RPGRIP1L: variants seen among roughly 807,000 people sequenced by gnomAD.
RPGRIP1L encodes protein fantom.
RPGRIP1L carries 131 observed loss-of-function variants against 160.4 expected under a neutral mutation model. The ratio of observed to expected loss-of-function variants is 0.82; its 90% CI spans 0.71 to 0.94. The LOEUF (loss-of-function observed/expected upper bound fraction) is 0.94. Ranked by LOEUF, RPGRIP1L falls within the 40% of genes least tolerant of loss-of-function variation. The pLI is 0.00. For missense variants in RPGRIP1L, 1,522 were observed against 1,535.8 expected, an observed-to-expected ratio of 0.99 and a Z score of 0.15; for synonymous variants, 510 against 515.8, an observed-to-expected ratio of 0.99 and a Z score of 0.15.
intron 10 of RPGRIP1L, among the ~76,000 whole-genome samples, chr16:53,664,178 AAC>A (rs1418215268): frequency 6.6e-6 from 1 of 152,234 alleles, no homozygotes; most frequent in Non-Finnish European, 1.5e-5. Context: ...ATGTGTGTGT[AAC>A]ACAGTAAAAT....
chr16:53,641,609 CT>C, intron 17 of RPGRIP1L, 134 bp from the exon 18 acceptor site: 1 of 776,872 alleles, frequency 1.3e-6, no homozygotes, highest in East Asian at 2.7e-5. Flanking sequence ...GTTGTACCCC[CT>C]ACTTTAAAAA....
In RPGRIP1L at chr16:53,672,851, A is replaced by C; in HGVS notation, c.1029+19T>G. ...AGAAGTTGTAATGCAACAGATGGCT[A>C]AACTCTTTGGGAGCTTACCTCTTCT... On this transcript the variant is annotated intron_variant, in intron 8 of 26. Coordinates refer to ENST00000647211, the MANE Select transcript of RPGRIP1L (RefSeq NM_015272.5). 6.2e-7 allele frequency: 1 copy of C among 1,608,656 alleles called. No individual in the cohort carries two copies. Among genetic ancestry groups the C allele is most frequent in the Non-Finnish European group, 8.5e-7 (1 of 1,176,284 alleles).
Position 53,636,490 on chromosome 16 carries a change from A to G in RPGRIP1L, c.3243T>C (p.Ser1081=). ...EPEVEEDMSA[S]DSDDCIIPGP... ...CTGGAATAATACAGTCATCACTGTC[A>G]GAAGCTGACATGTCCTCTTCAACTG... is the stretch of plus-strand genomic sequence containing the variant. Residue 1081 remains serine (S), a synonymous_variant, in exon 22 of 27, where the codon TCT becomes TCC. Coordinates refer to ENST00000647211, the MANE Select transcript of RPGRIP1L (RefSeq NM_015272.5). The G allele has an allele frequency of 6.2e-7, 1 of 1,612,366 alleles. No homozygotes were observed. Among genetic ancestry groups the G allele is most frequent in the South Asian group, 1.1e-5 (1 of 91,054 alleles).
intron 1 of RPGRIP1L, chr16:53,701,551 T>G (rs1309385538): frequency 2.0e-5 from 3 of 150,834 alleles, no homozygotes; most frequent in African/African-American, 7.3e-5. Context: ...GATTTTATAT[T>G]TTCATTTCAA....
intron 6 of RPGRIP1L, among the ~76,000 whole-genome samples, chr16:53,683,942 T>C (rs1024059284): frequency 2.6e-5 from 4 of 152,044 alleles, no homozygotes; most frequent in Admixed American, 6.6e-5. Context: ...ATGCAGAAAA[T>C]TGAAAACGGG....
chr16:53,695,098 C>T (rs1290570334), intron 3 of RPGRIP1L: 1 of 466,956 alleles, frequency 2.1e-6, no homozygotes, highest in Non-Finnish European at 3.8e-6. Context: ...TTTTTATTTT[C>T]TGGCTATGAC....
At chr16:53,622,103 G>A in intron 23 of RPGRIP1L, 116 bp downstream of exon 23, 1 of 365,378 alleles carries the variant, frequency 2.7e-6, no homozygotes, top group Non-Finnish European at 4.9e-6. Flanking sequence ...AGTGGCTCAT[G>A]CCTGTAATCC....
intron 15 of RPGRIP1L, 114 bp downstream of exon 15, chr16:53,652,421 C>T: frequency 2.4e-6 from 2 of 822,506 alleles, no homozygotes; most frequent in South Asian, 3.0e-5. Flanking sequence ...AGAATGTTGT[C>T]CTTGCTCTAA....
chr16:53,632,672 T>C (rs967277486), intron 22 of RPGRIP1L, among the ~76,000 whole-genome samples: 2 of 152,186 alleles, frequency 1.3e-5, no homozygotes, highest in Non-Finnish European at 2.9e-5. Context: ...TCCCTAAGCA[T>C]ACCATAATAG....
At chr16:53,646,979 T>C (rs913992283) in intron 16 of RPGRIP1L, among the ~76,000 whole-genome samples, 1 of 152,106 alleles carries the variant, frequency 6.6e-6, no homozygotes, top group Non-Finnish European at 1.5e-5. Context: ...GAGGAATGAC[T>C]GAAAAAGTAC....
Position 53,658,849 on chromosome 16 carries a change from T to C in RPGRIP1L, c.1273A>G (p.Arg425Gly), listed in dbSNP as rs1467430359. 2.5e-6 allele frequency: 4 copies of C among 1,606,094 alleles called. No individual in the cohort carries two copies. The highest frequency in any genetic ancestry group is 2.2e-5 in the East Asian group (1 of 44,728). The change falls in exon 11 of 27, where the codon AGA becomes GGA. Residue 425 changes from arginine to glycine, a missense_variant. Physicochemically the swap from Arg to Gly is moderately radical, Grantham distance 125. Coordinates refer to ENST00000647211, the MANE Select transcript of RPGRIP1L (RefSeq NM_015272.5). ...DQNEKLVQEN[R>G]ELQLQYLEQK... ...TCCAGATACTGTAACTGTAGTTCTCTATTCTCTTGAACGAGTTTTTCATTT... is the reference window on the plus strand; with the variant it reads ...TCCAGATACTGTAACTGTAGTTCTCCATTCTCTTGAACGAGTTTTTCATTT...
chr16:53,671,233 G>A (rs112309585), intron 9 of RPGRIP1L, among the ~76,000 whole-genome samples: 3 of 152,102 alleles, frequency 2.0e-5, no homozygotes, highest in Non-Finnish European at 4.4e-5. Flanking sequence ...ATCTAGCATG[G>A]TGTCTGTTAG....
chr16:53,688,050 A>C, intron 4 of RPGRIP1L, 85 bp from the exon 5 acceptor site: 1 of 849,096 alleles, frequency 1.2e-6, no homozygotes, highest in South Asian at 1.4e-5. Context: ...GATATTTATA[A>C]TAAAATCTCT....
Position 53,605,503 on chromosome 16 carries a change from G to T in RPGRIP1L, c.3813C>A (p.Asp1271Glu). ...DLADMFQEGR[D>E]LIEQNIDVFD... ...TACCATCGATATTTTGCTCAATGAG[G>T]TCCCTCCCTTCCTGAAACATGTCGG... The change falls in exon 26 of 27, where the codon GAC becomes GAA. Residue 1271 changes from aspartate (D) to glutamate (E), a missense_variant. By Grantham distance (45) the Asp-to-Glu change is conservative. Coordinates refer to ENST00000647211, the MANE Select transcript of RPGRIP1L (RefSeq NM_015272.5). 6.2e-7 allele frequency: 1 copy of T among 1,614,032 alleles called. No individual in the cohort carries two copies. The highest frequency in any genetic ancestry group is 8.5e-7 in the Non-Finnish European group (1 of 1,179,994).
chr16:53,700,460 A>G (rs1971303916), intron 2 of RPGRIP1L, among the ~76,000 whole-genome samples, 179 bp downstream of exon 2: 1 of 152,236 alleles, frequency 6.6e-6, no homozygotes, highest in Non-Finnish European at 1.5e-5. Flanking sequence ...AGCTGTTGAT[A>G]ACTGATGCAT....
chr16:53,629,869 A>T (rs1347306683), intron 22 of RPGRIP1L, among the ~76,000 whole-genome samples: 1 of 152,198 alleles, frequency 6.6e-6, no homozygotes, highest in Non-Finnish European at 1.5e-5. Flanking sequence ...TTCCAATAAC[A>T]GTAGAGGGCT....
chr16:53,649,038 G>A lies in RPGRIP1L; in HGVS notation c.2230C>T (p.Arg744Ter), dbSNP rs267604575. 16 of 1,613,586 alleles carry A rather than the reference G, an allele frequency of 9.9e-6. No individual in the cohort carries two copies. In the East Asian group the frequency reaches 1.6e-4, roughly 16 times the overall value. Residue 744 changes from arginine to a stop codon, truncating the protein, a stop_gained, in exon 16 of 27, where the codon CGA becomes TGA. Coordinates refer to ENST00000647211, the MANE Select transcript of RPGRIP1L (RefSeq NM_015272.5). LOFTEE classifies it high-confidence loss of function. Reference protein sequence around the residue: ...RLRVPMDQAIRLYRERAKALG... With the variant: ...RLRVPMDQAI The stretch of plus-strand genomic sequence containing the variant: ...GCCTTTGCCCTTTCTCGATAAAGTC[G>A]AATTGCTTGATCCATGGGAACTCTT...
chr16:53,674,551 C>T (rs1022177387), intron 7 of RPGRIP1L, among the ~76,000 whole-genome samples: 2 of 151,070 alleles, frequency 1.3e-5, no homozygotes, highest in Non-Finnish European at 3.0e-5. Context: ...ATGGTAGTGA[C>T]CAAAAAAGAA....
chr16:53,688,968 C>T (rs1254420268), intron 4 of RPGRIP1L, among the ~76,000 whole-genome samples: 2 of 151,594 alleles, frequency 1.3e-5, no homozygotes, highest in African/African-American at 4.8e-5. Flanking sequence ...GCTTTTCCTA[C>T]ATATACCATG....
Sources: gnomAD v4.1 joint callset for allele counts (sites outside exome capture counted in the v4.1 genomes callset) on GRCh38, gnomAD v4.1.1 for gene constraint, MANE v1.5 for transcripts, NCBI Gene and HGNC (gene_info 2026-07-23, HGNC 2026-07-21) for gene names.